The following ROR2 variants were observed in gnomAD, a reference collection of about 807,000 sequenced individuals.
ROR2 encodes ROR family WNT receptor 2, also known as tyrosine-protein kinase transmembrane receptor ROR2.
Under a neutral mutation model 74.9 loss-of-function variants are expected in ROR2, and 33 were observed. That is an observed-to-expected ratio of 0.44 (90% CI 0.33 to 0.59). The LOEUF (loss-of-function observed/expected upper bound fraction) is 0.59, where lower values mean the gene tolerates loss of function less well. Among genes scored for constraint, ROR2 ranks in the 20% least tolerant of loss-of-function variants. The pLI, the probability that ROR2 is intolerant of heterozygous loss-of-function variation, is 0.02. For synonymous variants in ROR2, 586 were observed against 558.7 expected (o/e 1.05, Z -0.69); for missense variants, 1,216 against 1,313.8 (o/e 0.93, Z 1.15).
At chr9:91,911,878 A>T (rs1830990611) in intron 1 of ROR2, among the ~76,000 whole-genome samples, 1 of 150,212 alleles carries the variant, frequency 6.7e-6, no homozygotes, top group South Asian at 2.1e-4. Context: ...TTCCTGCTAC[A>T]ACACAACATT....
At chr9:91,899,507 G>A (rs1268899709) in intron 1 of ROR2, among the ~76,000 whole-genome samples, 1 of 152,156 alleles carries the variant, frequency 6.6e-6, no homozygotes, top group African/African-American at 2.4e-5. Context: ...CACACATGGG[G>A]TAAAGAGGTA....
intron 1 of ROR2, among the ~76,000 whole-genome samples, chr9:91,817,212 AAT>A: frequency 6.6e-6 from 1 of 152,146 alleles, no homozygotes; most frequent in Admixed American, 6.5e-5. Context: ...ACTTTACTGA[AAT>A]AGAGTCGAGA....
intron 1 of ROR2, among the ~76,000 whole-genome samples, chr9:91,887,827 T>G (rs1830328731): frequency 7.3e-6 from 1 of 136,186 alleles, no homozygotes; most frequent in South Asian, 2.4e-4. Flanking sequence ...AGTCTCACTC[T>G]GTCGCCCAGG....
rs183970792 is a variant in ROR2, at chr9:91,743,127, T to C, written c.495-5609A>G. Among the ~76,000 whole-genome samples, 4 of 152,294 alleles carry C rather than the reference T, an allele frequency of 2.6e-5. No individual in the cohort carries two copies. In the East Asian group the frequency reaches 7.7e-4, roughly 29 times the overall value. ...CATTTCTCACAACGTATCTCCACTGTTACATGATGCATGACTGTATAACAG... is the reference window on the plus strand; with the variant it reads ...CATTTCTCACAACGTATCTCCACTGCTACATGATGCATGACTGTATAACAG... On this transcript the variant is annotated intron_variant, in intron 4 of 8. Coordinates refer to ENST00000375708, the MANE Select transcript of ROR2 (RefSeq NM_004560.4).
intron 1 of ROR2, among the ~76,000 whole-genome samples, chr9:91,819,498 GT>G (rs1313068869): frequency 1.3e-5 from 2 of 151,822 alleles, no homozygotes; most frequent in Non-Finnish European, 2.9e-5. Context: ...GTGTCTCTGC[GT>G]GTCTTGGCGT....
chr9:91,819,906 GTGTC>G (rs1220600749), intron 1 of ROR2, among the ~76,000 whole-genome samples: 12 of 151,906 alleles, frequency 7.9e-5, no homozygotes, highest in Admixed American at 7.9e-4. Flanking sequence ...TTCTGTATGT[GTGTC>G]TGTCTTGGAG....
At chr9:91,926,226 A>C (rs1024400214) in intron 1 of ROR2, among the ~76,000 whole-genome samples, 6 of 152,000 alleles carry the variant, frequency 3.9e-5, no homozygotes, top group Non-Finnish European at 8.8e-5. Context: ...CTTTAAAAAA[A>C]AAAAAAAATT....
chr9:91,825,352 G>A (rs1828255175), intron 1 of ROR2, among the ~76,000 whole-genome samples: 3 of 152,194 alleles, frequency 2.0e-5, no homozygotes, highest in African/African-American at 4.8e-5. Flanking sequence ...CACCTGGGGC[G>A]AAGGTGTCAA....
chr9:91,775,792 C>T lies in ROR2; in HGVS notation c.124G>A (p.Asp42Asn), dbSNP rs767966492. Residue 42 changes from aspartate (D) to asparagine (N), a missense_variant, in exon 2 of 9, where the codon GAC becomes AAC. Asp to Asn is a conservative substitution (Grantham distance 23). Coordinates refer to ENST00000375708, the MANE Select transcript of ROR2 (RefSeq NM_004560.4). ...SGEVEVLDPN[D>N]PLGPLDGQDG... ...TGCCCATCAAGGGGTCCTAAAGGGT[C>T]GTTCGGATCCAGAACCTCCACTTCA... 1.2e-6 allele frequency: 2 copies of T among 1,614,030 alleles called. No individual in the cohort carries two copies. The highest frequency in any genetic ancestry group is 1.7e-6 in the Non-Finnish European group (2 of 1,180,028).
In ROR2 at chr9:91,762,943, T is replaced by A. The variant is rs920704776; in HGVS notation, c.176-5384A>T. On this transcript the variant is annotated intron_variant, in intron 2 of 8. Coordinates refer to ENST00000375708, the MANE Select transcript of ROR2 (RefSeq NM_004560.4). ...TATACAAGAGTCTCTCAAAAGTACA[T>A]ACATGACTGGATAAAGAAAATGTGG... Among the ~76,000 whole-genome samples the A allele has an allele frequency of 2.7e-4, 41 of 152,126 alleles. 1 individual carries two copies. The highest frequency in any genetic ancestry group is 1.3e-4 in the Admixed American group (2 of 15,276).
intron 1 of ROR2, among the ~76,000 whole-genome samples, chr9:91,911,007 T>C (rs1053529163): frequency 6.6e-5 from 10 of 152,322 alleles, no homozygotes; most frequent in Non-Finnish European, 1.5e-4. Flanking sequence ...GGAAACAACT[T>C]AGAACAATAG....
chr9:91,747,653 G>C (rs1355636166), intron 4 of ROR2, among the ~76,000 whole-genome samples: 2 of 152,166 alleles, frequency 1.3e-5, no homozygotes, highest in Admixed American at 6.5e-5. Flanking sequence ...TCGAGTAAAA[G>C]AATCAGAGAA....
At chr9:91,725,217 C>A in intron 8 of ROR2, 110 bp from the exon 9 acceptor site, 1 of 1,573,862 alleles carries the variant, frequency 6.4e-7, no homozygotes, top group Non-Finnish European at 8.6e-7. Flanking sequence ...ACTAGGGGGG[C>A]CTTGCAGAAG....
chr9:91,748,324 C>G (rs1825495304), intron 4 of ROR2, among the ~76,000 whole-genome samples: 1 of 151,498 alleles, frequency 6.6e-6, no homozygotes, highest in Non-Finnish European at 1.5e-5. Context: ...GTTTTCACTA[C>G]AAGAAAATGA....
At chr9:91,928,304 C>T (rs1375685187) in intron 1 of ROR2, among the ~76,000 whole-genome samples, 1 of 152,198 alleles carries the variant, frequency 6.6e-6, no homozygotes, top group African/African-American at 2.4e-5. Context: ...CCCTCTGCCT[C>T]CCAACCCAAC....
In ROR2 at chr9:91,775,769, C is replaced by T. The variant is rs1826397783; in HGVS notation, c.147G>A (p.Gly49=). 6.2e-7 allele frequency: 1 copy of T among 1,614,202 alleles called. No homozygotes were observed. The highest frequency in any genetic ancestry group is 1.7e-5 in the Admixed American group (1 of 60,024). ...DPNDPLGPLD[G]QDGPIPTLKG... ...TCAGAGTTGGAATCGGGCCGTCCTG[C>T]CCATCAAGGGGTCCTAAAGGGTCGT... Residue 49 remains glycine, a synonymous_variant, in exon 2 of 9, where the codon GGG becomes GGA. Transcript: ENST00000375708.
At chr9:91,793,222 A>C (rs1327865384) in intron 1 of ROR2, among the ~76,000 whole-genome samples, 1 of 152,188 alleles carries the variant, frequency 6.6e-6, no homozygotes, top group African/African-American at 2.4e-5. Flanking sequence ...ATGAAGTCTA[A>C]CACATGGATT....
intron 1 of ROR2, among the ~76,000 whole-genome samples, chr9:91,844,434 G>A (rs947518518): frequency 6.6e-6 from 1 of 152,090 alleles, no homozygotes; most frequent in African/African-American, 2.4e-5. Context: ...CCTCCTTCGT[G>A]CCACTTGCTG....
intron 2 of ROR2, among the ~76,000 whole-genome samples, chr9:91,769,049 C>T (rs1826146150): frequency 6.6e-6 from 1 of 152,226 alleles, no homozygotes; most frequent in African/African-American, 2.4e-5. Flanking sequence ...CTTGGGATTG[C>T]GTGGCTGTGG....
Sources: allele counts gnomAD v4.1 joint callset (sites outside exome capture counted in the v4.1 genomes callset), GRCh38; gene constraint gnomAD v4.1.1; transcripts MANE v1.5; gene names NCBI Gene and HGNC (gene_info 2026-07-23, HGNC 2026-07-21).